Variants in SWT1 observed in about 807,000 individuals in gnomAD.
SWT1 encodes transcriptional protein SWT1.
SWT1 carries 33 observed loss-of-function variants against 107.3 expected under a neutral mutation model. The observed-to-expected ratio is 0.31, with a 90% CI of 0.23 to 0.41. SWT1 has a LOEUF of 0.41. SWT1 is among the 10% of genes least tolerant of loss of function. SWT1 has a pLI of 1.00. For missense variants in SWT1, 898 were observed against 1,028.9 expected (o/e 0.87, Z 1.74); for synonymous variants, 345 against 348.3 (o/e 0.99, Z 0.11).
chr1:185,252,810 G>T (rs1458960334), intron 16 of SWT1, among the ~76,000 whole-genome samples: 61 of 151,688 alleles, frequency 4.0e-4, no homozygotes, highest in African/African-American at 1.5e-3. Context: ...GTCAATTTTG[G>T]CTTTTGTTGC....
intron 10 of SWT1, among the ~76,000 whole-genome samples, chr1:185,194,748 A>G (rs543335939): frequency 5.9e-5 from 9 of 151,974 alleles, no homozygotes; most frequent in East Asian, 3.9e-4. Flanking sequence ...TTTTATTCTT[A>G]TGGTTTTCAT....
At chr1:185,277,449 C>T (rs1019968592) in intron 18 of SWT1, among the ~76,000 whole-genome samples, 4 of 151,946 alleles carry the variant, frequency 2.6e-5, no homozygotes, top group African/African-American at 9.7e-5. Context: ...CCACCATGCC[C>T]GGCTAATTTT....
chr1:185,267,162 GA>G (rs1663465768), intron 16 of SWT1, among the ~76,000 whole-genome samples: 1 of 152,194 alleles, frequency 6.6e-6, no homozygotes, highest in South Asian at 2.1e-4. Context: ...TTCTACATCT[GA>G]AAAGTGGTTA....
chr1:185,173,022 G>A (rs1401676833), intron 4 of SWT1, among the ~76,000 whole-genome samples: 8 of 117,434 alleles, frequency 6.8e-5, no homozygotes, highest in Non-Finnish European at 1.3e-4. Context: ...CCAGCCTGGC[G>A]ACAAAGCGAG....
chr1:185,181,835 T>C, intron 6 of SWT1, 111 bp from the exon 7 acceptor site: 3 of 1,116,628 alleles, frequency 2.7e-6, no homozygotes, highest in Non-Finnish European at 3.8e-6. Flanking sequence ...TTATAAAATT[T>C]TTTCTTTCCA....
Position 185,182,011 on chromosome 1 carries a change from A to G in SWT1, c.1092A>G (p.Leu364=). The G allele has an allele frequency of 6.2e-7, 1 of 1,613,798 alleles. No homozygotes were observed. The highest frequency in any genetic ancestry group is 1.3e-5 in the African/African-American group (1 of 75,026). Residue 364 remains leucine, a synonymous_variant, in exon 7 of 19, where the codon TTA becomes TTG. Coordinates refer to ENST00000367500, the MANE Select transcript of SWT1 (RefSeq NM_017673.7). The part of the protein sequence containing the change: ...VGKSVDLPGE[L]MSMEIDLEDD... ...AAAGTGTGGATTTACCTGGAGAGTT[A>G]ATGAGTATGGAAATTGACTTAGAAG...
intron 10 of SWT1, among the ~76,000 whole-genome samples, chr1:185,191,755 T>C (rs1656969416): frequency 6.6e-6 from 1 of 152,204 alleles, no homozygotes; most frequent in South Asian, 2.1e-4. Flanking sequence ...AGTAATTCTT[T>C]GTTATGTAAT....
chr1:185,209,521 A>C (rs1658597835), intron 13 of SWT1, among the ~76,000 whole-genome samples: 2 of 152,096 alleles, frequency 1.3e-5, no homozygotes, highest in African/African-American at 4.8e-5. Context: ...GATGGTTTCC[A>C]CTTTCATCCA....
chr1:185,184,024 C>G (rs1656244127), intron 7 of SWT1, among the ~76,000 whole-genome samples: 1 of 152,120 alleles, frequency 6.6e-6, no homozygotes, highest in African/African-American at 2.4e-5. Flanking sequence ...TCCAGAGGAC[C>G]TTAATTGATT....
chr1:185,279,075 A>G (rs557213702), intron 18 of SWT1, among the ~76,000 whole-genome samples: 236 of 152,358 alleles, frequency 1.5e-3, no homozygotes, highest in African/African-American at 5.5e-3. Flanking sequence ...GTTGGCATAC[A>G]CAAATCTGTT....
intron 15 of SWT1, among the ~76,000 whole-genome samples, chr1:185,229,093 G>A (rs190685380): frequency 3.3e-5 from 5 of 152,242 alleles, no homozygotes; most frequent in East Asian, 3.9e-4. Flanking sequence ...TCAGGCCTGC[G>A]TTTTAAAAAA....
At chr1:185,177,668 A>G (rs1655680941) in intron 5 of SWT1, among the ~76,000 whole-genome samples, 2 of 152,204 alleles carry the variant, frequency 1.3e-5, no homozygotes, top group Admixed American at 1.3e-4. Context: ...AATAATGAGT[A>G]TACTTTACAA....
chr1:185,216,201 G>A (rs1659201565), intron 14 of SWT1, among the ~76,000 whole-genome samples: 1 of 152,074 alleles, frequency 6.6e-6, no homozygotes, highest in Admixed American at 6.6e-5. Flanking sequence ...TTATTTAAGG[G>A]GTGATATGAT....
At chr1:185,215,750 A>C (rs1659169251) in intron 14 of SWT1, among the ~76,000 whole-genome samples, 1 of 152,030 alleles carries the variant, frequency 6.6e-6, no homozygotes, top group Non-Finnish European at 1.5e-5. Flanking sequence ...CCTAATACCT[A>C]GGCTAGTCTT....
intron 16 of SWT1, among the ~76,000 whole-genome samples, chr1:185,257,038 C>G (rs182541221): frequency 6.6e-6 from 1 of 151,934 alleles, no homozygotes; most frequent in Admixed American, 6.6e-5. Context: ...GAATACCCTG[C>G]CGTGTGAGGT....
intron 18 of SWT1, among the ~76,000 whole-genome samples, chr1:185,287,713 C>T (rs900204204): frequency 1.1e-4 from 16 of 152,118 alleles, no homozygotes; most frequent in African/African-American, 3.9e-4. Context: ...GATTAACCAC[C>T]AGGTAAAGGA....
intron 16 of SWT1, among the ~76,000 whole-genome samples, chr1:185,246,172 A>G (rs1429002326): frequency 6.6e-6 from 1 of 152,210 alleles, no homozygotes; most frequent in Non-Finnish European, 1.5e-5. Flanking sequence ...GGGAATTACT[A>G]CATACTGGCT....
intron 16 of SWT1, among the ~76,000 whole-genome samples, chr1:185,269,063 AG>A (rs1663630887): frequency 6.6e-6 from 1 of 152,032 alleles, no homozygotes; most frequent in South Asian, 2.1e-4. Flanking sequence ...CGTGTTAGCC[AG>A]GATGGTCTCG....
At chr1:185,284,245 C>T (rs1328088776) in intron 18 of SWT1, among the ~76,000 whole-genome samples, 1 of 152,162 alleles carries the variant, frequency 6.6e-6, no homozygotes, top group Non-Finnish European at 1.5e-5. Context: ...GCTATTTGGC[C>T]ATTTGTATAT....
Sources: allele counts gnomAD v4.1 joint callset (sites outside exome capture counted in the v4.1 genomes callset), GRCh38; gene constraint gnomAD v4.1.1; transcripts MANE v1.5; gene names NCBI Gene and HGNC (gene_info 2026-07-23, HGNC 2026-07-21).